Variants in ST3GAL4 observed in about 807,000 individuals in gnomAD.
The protein encoded by ST3GAL4 is CMP-N-acetylneuraminate-beta-galactosamide-alpha-2,3-sialyltransferase 4.
A neutral mutation model predicts 42.6 loss-of-function variants in ST3GAL4; 24 were observed. The ratio of observed to expected loss-of-function variants is 0.56; its 90% CI spans 0.41 to 0.79. The LOEUF is 0.79. Ranked by LOEUF, ST3GAL4 falls within the 30% of genes least tolerant of loss-of-function variation. ST3GAL4 has a pLI of 0.00. For missense variants in ST3GAL4, 311 were observed against 430.8 expected (o/e 0.72, Z 2.46); for synonymous variants, 135 against 163.2 (o/e 0.83, Z 1.32).
rs1031361079 is a variant in ST3GAL4 at position 126,406,987 on chromosome 11, G to T, written c.146G>T (p.Gly49Val). The change falls in exon 4 of 11, where the codon GGT becomes GTT. Residue 49 changes from glycine (G) to valine (V), a missense_variant. Transcript: ENST00000444328. This position sits in a 1 kb window ranked among gnomAD's most constrained non-coding sequence, Gnocchi z 5.4. ...IPEKKEPCLQ[G>V]EAESKASKLF... is the part of the protein sequence containing the mutation. ...GAGAAGAAGGAGCCGTGCCTCCAGG[G>T]TGAGGCAGAGAGCAAGGCCTCTAAG... 3.7e-6 allele frequency: 6 copies of T among 1,614,106 alleles called. No homozygotes were observed. The highest frequency in any genetic ancestry group is 1.7e-4 in the Middle Eastern group (1 of 6,058).
Position 126,400,019 on chromosome 11 carries a change from T to C in ST3GAL4, c.-60-6077T>C, listed in dbSNP as rs557293637. Among the ~76,000 whole-genome samples the C allele has an allele frequency of 3.9e-5, 6 of 152,222 alleles. No homozygotes were observed. Among genetic ancestry groups the C allele is most frequent in the Non-Finnish European group, 8.8e-5 (6 of 67,996 alleles). On this transcript the variant is annotated intron_variant, in intron 1 of 10. Coordinates refer to ENST00000444328, the MANE Select transcript of ST3GAL4 (RefSeq NM_001254757.2). This position sits in a 1 kb window ranked among gnomAD's most constrained non-coding sequence, Gnocchi z 4.6. ...CCCTCCCTCCCTTCCTTCTTTCCTC[T>C]CTGCTCTCTCTCTCTTTTCTTCCTT...
chr11:126,401,080 G>C (rs59822672), intron 1 of ST3GAL4, among the ~76,000 whole-genome samples: 18,873 of 152,054 alleles, frequency 0.12, 1,509 homozygotes, highest in East Asian at 0.26. Context: ...TCCATTTGAG[G>C]AATTTAAGAT....
At chr11:126,395,884 G>A (rs1002684389) in intron 1 of ST3GAL4, among the ~76,000 whole-genome samples, 2 of 152,260 alleles carry the variant, frequency 1.3e-5, no homozygotes, top group African/African-American at 4.8e-5. Flanking sequence ...GGCAGCCTGT[G>A]TTGGGAGGAG....
At chr11:126,394,714 G>C (rs1325775306) in intron 1 of ST3GAL4, among the ~76,000 whole-genome samples, 1 of 151,974 alleles carries the variant, frequency 6.6e-6, no homozygotes, top group Admixed American at 6.6e-5. Context: ...CATGAGGCAC[G>C]GGGCCCTGCC....
Position 126,408,749 on chromosome 11 carries a change from G to A in ST3GAL4, c.627+253G>A. 6 of 543,118 alleles carry A rather than the reference G, an allele frequency of 1.1e-5. No homozygotes were observed. In the South Asian group the frequency reaches 1.5e-4, roughly 14 times the overall value. 33.6% of individuals were successfully genotyped at this position (543,118 alleles called of 1,614,324 possible). On this transcript the variant is annotated intron_variant, in intron 8 of 10. Coordinates refer to ENST00000444328, the MANE Select transcript of ST3GAL4 (RefSeq NM_001254757.2). ...CCACAGGCACCCATGCTCCAGGCGT[G>A]TCTGTGACAGGAAAGCTTTCCGAGT...
chr11:126,392,180 C>A lies in ST3GAL4; in HGVS notation c.-60-13916C>A. The A allele has an allele frequency of 2.8e-6, 1 of 359,152 alleles. No individual in the cohort carries two copies. Among genetic ancestry groups the A allele is most frequent in the Non-Finnish European group, 3.9e-6 (1 of 257,624 alleles). The allele number at this position is 359,152 out of a possible 1,614,324, so 22.2% of individuals were successfully genotyped here. On this transcript the variant is annotated intron_variant, in intron 1 of 10. Coordinates refer to ENST00000444328, the MANE Select transcript of ST3GAL4 (RefSeq NM_001254757.2). This position sits in a 1 kb window ranked among gnomAD's most constrained non-coding sequence, Gnocchi z 5.8. ...TGGAGGCCACATGTACCTTGCGCTTCCTGGGGCTTGGTCCTGGGGTTTCAT... is the reference window on the plus strand; with the variant it reads ...TGGAGGCCACATGTACCTTGCGCTTACTGGGGCTTGGTCCTGGGGTTTCAT...
intron 1 of ST3GAL4, among the ~76,000 whole-genome samples, chr11:126,362,888 A>G (rs1224003304): frequency 6.6e-6 from 1 of 152,230 alleles, no homozygotes; most frequent in African/African-American, 2.4e-5. Flanking sequence ...GAGACTCAGA[A>G]AAGTAACTTA....
At chr11:126,387,691 T>A (rs974788215) in intron 1 of ST3GAL4, among the ~76,000 whole-genome samples, 5 of 151,220 alleles carry the variant, frequency 3.3e-5, no homozygotes, top group African/African-American at 1.2e-4. Flanking sequence ...AAAAAAAAAT[T>A]ATAAAGGTAA....
At chr11:126,413,470 GCT>G in intron 9 of ST3GAL4, 33 bp from the exon 10 acceptor site, 3 of 1,609,740 alleles carry the variant, frequency 1.9e-6, no homozygotes, top group Non-Finnish European at 2.5e-6. Flanking sequence ...GAGGAGCAGG[GCT>G]CCCACTAACA....
At chr11:126,367,444 C>G (rs1357971271) in intron 1 of ST3GAL4, among the ~76,000 whole-genome samples, 1 of 152,126 alleles carries the variant, frequency 6.6e-6, no homozygotes, top group East Asian at 1.9e-4. Context: ...GGCTGAGGAC[C>G]CCTCTCTTTG....
At chr11:126,403,486 GGTACGGCGCTGATTT>G in intron 1 of ST3GAL4, 1 of 977,762 alleles carries the variant, frequency 1.0e-6, no homozygotes, top group Non-Finnish European at 1.2e-6. Flanking sequence ...TCACAGAGGA[GGTACGGCGCTGATTT>G]GTTTTACTAT....
chr11:126,356,760 T>C (rs1399642830), intron 1 of ST3GAL4, among the ~76,000 whole-genome samples: 1 of 152,220 alleles, frequency 6.6e-6, no homozygotes, highest in African/African-American at 2.4e-5. Flanking sequence ...GCCTGTACTT[T>C]CCACCGCCGG....
chr11:126,391,704 T>C lies in ST3GAL4; in HGVS notation c.-60-14392T>C, dbSNP rs555297054. On this transcript the variant is annotated intron_variant, in intron 1 of 10. Coordinates refer to ENST00000444328, the MANE Select transcript of ST3GAL4 (RefSeq NM_001254757.2). The surrounding 1 kb of genome is among the most constrained non-coding windows in gnomAD (Gnocchi z 5.5). ...TGGACCCAGCAGCCAGGAGGAGAGCTGAGTGTGATTGGGGTCGTGGTGGGG... is the reference window on the plus strand; with the variant it reads ...TGGACCCAGCAGCCAGGAGGAGAGCCGAGTGTGATTGGGGTCGTGGTGGGG... 6.6e-6 allele frequency among the ~76,000 whole-genome samples: 1 copy of C among 152,300 alleles called. No homozygotes were observed. Among genetic ancestry groups the C allele is most frequent in the East Asian group, 1.9e-4 (1 of 5,182 alleles).
At chr11:126,413,780 T>C in intron 10 of ST3GAL4, 132 bp downstream of exon 10, 2 of 1,441,694 alleles carry the variant, frequency 1.4e-6, no homozygotes, top group Non-Finnish European at 1.9e-6. Context: ...CCGAGGCACC[T>C]GGACTCCCTG....
intron 1 of ST3GAL4, among the ~76,000 whole-genome samples, chr11:126,374,185 C>T (rs530704329): frequency 1.3e-5 from 2 of 152,016 alleles, no homozygotes; most frequent in Admixed American, 1.3e-4. Flanking sequence ...GGCACAGTGG[C>T]TCACCCCTGT....
At chr11:126,402,824 C>T (rs1408128058) in intron 1 of ST3GAL4, among the ~76,000 whole-genome samples, 1 of 152,194 alleles carries the variant, frequency 6.6e-6, no homozygotes, top group Non-Finnish European at 1.5e-5. Flanking sequence ...CAGAACTGAC[C>T]AGCTCCCTTC....
In ST3GAL4 at chr11:126,409,849, A is replaced by G. The variant is rs1054725949; in HGVS notation, c.771+438A>G. Among the ~76,000 whole-genome samples the G allele has an allele frequency of 6.6e-6, 1 of 152,178 alleles. No individual in the cohort carries two copies. Among genetic ancestry groups the G allele is most frequent in the Admixed American group, 6.5e-5 (1 of 15,280 alleles). ...AGCTAAACAGTTTGTCTTGCATGTC[A>G]TGATTTGGTATGGTGTGTCAATTCA... On this transcript the variant is annotated intron_variant, in intron 9 of 10. Coordinates refer to ENST00000444328, the MANE Select transcript of ST3GAL4 (RefSeq NM_001254757.2). The surrounding 1 kb of genome is among the most constrained non-coding windows in gnomAD (Gnocchi z 4.9).
intron 1 of ST3GAL4, chr11:126,403,258 A>T: frequency 2.0e-6 from 1 of 492,420 alleles, no homozygotes; most frequent in Non-Finnish European, 2.6e-6. Flanking sequence ...TGGAATGAAG[A>T]CAAGACAATG....
intron 1 of ST3GAL4, among the ~76,000 whole-genome samples, chr11:126,371,182 T>TTTTTTTTG (rs71048784): frequency 7.2e-6 from 1 of 138,326 alleles, no homozygotes; most frequent in African/African-American, 2.8e-5. Flanking sequence ...TTTTTTTTTT[T>TTTTTTTTG]GAGATGGAGT....
Sources: allele counts gnomAD v4.1 joint callset (sites outside exome capture counted in the v4.1 genomes callset), GRCh38; gene constraint gnomAD v4.1.1; non-coding constraint Gnocchi (gnomAD v3.1); transcripts MANE v1.5; gene names NCBI Gene and HGNC (gene_info 2026-07-23, HGNC 2026-07-21).